The following IARS1 variants were observed in gnomAD, a reference collection of about 807,000 sequenced individuals.
IARS1 encodes isoleucyl-tRNA synthetase 1.
Under a neutral mutation model 168.2 loss-of-function variants are expected in IARS1, and 124 were observed. The ratio of observed to expected loss-of-function variants is 0.74; its 90% CI spans 0.64 to 0.86. The LOEUF is 0.86. IARS1 is among the 40% of genes least tolerant of loss of function. The probability of loss-of-function intolerance (pLI) is 0.00; values close to 1 mark genes in which losing one functional copy is unlikely to be tolerated. For synonymous variants in IARS1, 532 were observed against 529.4 expected (o/e 1.00, Z -0.07); for missense variants, 1,452 against 1,515.8 (o/e 0.96, Z 0.70).
chr9:92,262,963 A>C lies in IARS1; in HGVS notation c.1787+6T>G. 5.0e-6 allele frequency: 8 copies of C among 1,610,378 alleles called. No homozygotes were observed. The highest frequency in any genetic ancestry group is 6.8e-6 in the Non-Finnish European group (8 of 1,176,620). On this transcript the variant is annotated splice_donor_region_variant and intron_variant, in intron 17 of 33. Transcript: ENST00000443024. ...TCCACCCGTCACTACAACAAAGTTG[A>C]CCTACCTTGCCAGGACAAGCCCATT...
chr9:92,289,393 T>C lies in IARS1; in HGVS notation c.27A>G (p.Ile9Met), dbSNP rs1019065150. Reference protein sequence around the residue: MLQQVPENINFPAEEEKIL... With the variant: MLQQVPENMNFPAEEEKIL... ...TTTTCTCTTCTTCAGCAGGAAAATTTATGTTTTCTGGAACTTGTTGAAGCA... is the reference window on the plus strand; with the variant it reads ...TTTTCTCTTCTTCAGCAGGAAAATTCATGTTTTCTGGAACTTGTTGAAGCA... The change falls in exon 2 of 34, where the codon ATA becomes ATG. Residue 9 changes from isoleucine (I) to methionine (M), a missense_variant. Physicochemically the swap from Ile to Met is conservative, Grantham distance 10 (BLOSUM62 1). Coordinates refer to ENST00000443024, the MANE Select transcript of IARS1 (RefSeq NM_002161.6). 2 of 1,578,150 alleles carry C rather than the reference T, an allele frequency of 1.3e-6. No individual in the cohort carries two copies. Among genetic ancestry groups the C allele is most frequent in the African/African-American group, 2.7e-5 (2 of 74,174 alleles).
intron 16 of IARS1, 111 bp from the exon 17 acceptor site, chr9:92,263,166 G>C (rs921509989): frequency 1.5e-5 from 11 of 723,708 alleles, no homozygotes; most frequent in Non-Finnish European, 2.6e-5. Flanking sequence ...CACTTCTTGA[G>C]AATCACTTAA....
Position 92,210,654 on chromosome 9 carries a change from C to A in IARS1, c.*153G>T. On this transcript the variant is annotated 3_prime_UTR_variant, in exon 34 of 34. Transcript: ENST00000443024. Reference sequence around the variant, plus strand: ...TGAGGTCTCAAGTTACTTGACTAATCAATCCCATTTGAATTTCAATCCAAG... The same window carrying A: ...TGAGGTCTCAAGTTACTTGACTAATAAATCCCATTTGAATTTCAATCCAAG... 1 of 584,628 alleles carries A rather than the reference C, an allele frequency of 1.7e-6. No individual in the cohort carries two copies. The highest frequency in any genetic ancestry group is 2.3e-5 in the South Asian group (1 of 42,822). 36.2% of individuals were successfully genotyped at this position (584,628 alleles called of 1,614,324 possible).
rs1293896834 is a variant in IARS1, at chr9:92,239,579, T to C, written c.3283+1277A>G. Among the ~76,000 whole-genome samples, 9 of 152,052 alleles carry C rather than the reference T, an allele frequency of 5.9e-5. No homozygotes were observed. The East Asian group carries it at 1.7e-3, about 29-fold the overall frequency. On this transcript the variant is annotated intron_variant, in intron 30 of 33. Coordinates refer to ENST00000443024, the MANE Select transcript of IARS1 (RefSeq NM_002161.6). ...TACCTTAACTGACACTACAGAGGAGTTGCTCGTGGTGTGTGGCCTCACTGC... is the reference window on the plus strand; with the variant it reads ...TACCTTAACTGACACTACAGAGGAGCTGCTCGTGGTGTGTGGCCTCACTGC...
intron 21 of IARS1, among the ~76,000 whole-genome samples, chr9:92,252,206 A>G (rs1338168315): frequency 6.6e-6 from 1 of 152,228 alleles, no homozygotes; most frequent in Admixed American, 6.5e-5. Flanking sequence ...TCTACCCACA[A>G]CAGACAAAAA....
intron 31 of IARS1, among the ~76,000 whole-genome samples, chr9:92,227,356 T>A (rs183115974): frequency 8.0e-6 from 1 of 124,648 alleles, no homozygotes; most frequent in African/African-American, 3.1e-5. Flanking sequence ...CGGGCAGAGG[T>A]GCTCCTCACT....
chr9:92,288,162 G>C lies in IARS1; in HGVS notation c.240C>G (p.Asp80Glu). The C allele has an allele frequency of 6.2e-7, 1 of 1,613,962 alleles. No individual in the cohort carries two copies. Residue 80 changes from aspartate (D) to glutamate (E), a missense_variant, in exon 3 of 34, where the codon GAC (aspartate) becomes GAG (glutamate). Physicochemically the swap from Asp to Glu is conservative, Grantham distance 45. Transcript: ENST00000443024. ...CATGGCAATCCCATCCAAATCTTCTGTCAACATGAAACCCACTCTGGTGAG... is the reference window on the plus strand; with the variant it reads ...CATGGCAATCCCATCCAAATCTTCTCTCAACATGAAACCCACTCTGGTGAG... ...RYAHQSGFHV[D>E]RRFGWDCHGL... is the part of the protein sequence containing the mutation.
chr9:92,286,369 A>G (rs1835463415), intron 5 of IARS1, among the ~76,000 whole-genome samples, 167 bp downstream of exon 5: 1 of 152,230 alleles, frequency 6.6e-6, no homozygotes, highest in South Asian at 2.1e-4. Flanking sequence ...TCAGTCTCAA[A>G]AAAATAAAAA....
chr9:92,222,441 G>C (rs541974742), intron 33 of IARS1, 79 bp downstream of exon 33: 102 of 1,047,520 alleles, frequency 9.7e-5, no homozygotes, highest in Non-Finnish European at 1.3e-4. Context: ...TATCTTACAT[G>C]TATATGCTAC....
intron 31 of IARS1, among the ~76,000 whole-genome samples, chr9:92,228,519 C>G (rs1021007961): frequency 6.6e-6 from 1 of 152,110 alleles, no homozygotes; most frequent in Non-Finnish European, 1.5e-5. Context: ...CAAGACCAGA[C>G]TGGGCAATAT....
intron 21 of IARS1, chr9:92,252,378 C>A (rs746419240): frequency 3.9e-6 from 2 of 516,640 alleles, no homozygotes; most frequent in South Asian, 2.8e-5. Context: ...CTGTAAGCAT[C>A]TTAGCATATG....
At chr9:92,272,670 T>A (rs1378041697) in intron 10 of IARS1, among the ~76,000 whole-genome samples, 2 of 152,074 alleles carry the variant, frequency 1.3e-5, no homozygotes, top group African/African-American at 4.8e-5. Flanking sequence ...GCCAACATGG[T>A]GAAACCCTGT....
chr9:92,263,003 T>C lies in IARS1; in HGVS notation c.1753A>G (p.Lys585Glu), dbSNP rs763506147. ...ACAAGCCCATTCACAATTACGTTCT[T>C]GAAAGGCGGTTGTCCAAAGAGGGCC... Reference protein sequence around the residue: ...ATALFGQPPFKNVIVNGLVLA... With the variant: ...ATALFGQPPFENVIVNGLVLA... The change falls in exon 17 of 34, where the codon AAG (lysine) becomes GAG (glutamate). Residue 585 changes from lysine (K) to glutamate (E), a missense_variant. Physicochemically the swap from Lys to Glu is moderately conservative, Grantham distance 56. Transcript: ENST00000443024. 7 of 1,614,044 alleles carry C rather than the reference T, an allele frequency of 4.3e-6. No individual in the cohort carries two copies. The highest frequency in any genetic ancestry group is 1.1e-5 in the South Asian group (1 of 91,072).
intron 27 of IARS1, among the ~76,000 whole-genome samples, chr9:92,244,296 A>G (rs1390617711): frequency 6.6e-6 from 1 of 152,140 alleles, no homozygotes; most frequent in South Asian, 2.1e-4. Context: ...AGTTCTGTAC[A>G]CATCTAACTT....
At chr9:92,289,612 G>A (rs1222969488) in intron 1 of IARS1, among the ~76,000 whole-genome samples, 186 bp from the exon 2 acceptor site, 1 of 152,076 alleles carries the variant, frequency 6.6e-6, no homozygotes, top group Non-Finnish European at 1.5e-5. Context: ...ATATTTACAA[G>A]GTAGTATAAC....
At chr9:92,265,164 A>G (rs1056029665) in intron 15 of IARS1, 41 bp from the exon 16 acceptor site, 8 of 1,520,794 alleles carry the variant, frequency 5.3e-6, no homozygotes, top group African/African-American at 4.2e-5. Context: ...AACTGTAAGC[A>G]TAACAGAACT....
At chr9:92,288,006 T>C (rs1433384686) in intron 3 of IARS1, 96 bp from the exon 4 acceptor site, 5 of 1,544,776 alleles carry the variant, frequency 3.2e-6, no homozygotes, top group Middle Eastern at 1.7e-4. Context: ...CTACAAATAT[T>C]ATAGAAATGA....
intron 33 of IARS1, 107 bp from the exon 34 acceptor site, chr9:92,210,996 TAA>T (rs1837655500): frequency 4.2e-6 from 3 of 710,798 alleles, no homozygotes; most frequent in Non-Finnish European, 7.6e-6. Context: ...GGCCTTATCC[TAA>T]GAGTTCTGCC....
At chr9:92,222,727 A>C in intron 32 of IARS1, 55 bp from the exon 33 acceptor site, 2 of 1,593,318 alleles carry the variant, frequency 1.3e-6, no homozygotes, top group Non-Finnish European at 8.6e-7. Context: ...CTCTAGCTCC[A>C]AAAGAGGTGG....
Sources: allele counts gnomAD v4.1 joint callset (sites outside exome capture counted in the v4.1 genomes callset), GRCh38; gene constraint gnomAD v4.1.1; transcripts MANE v1.5; gene names NCBI Gene and HGNC (gene_info 2026-07-23, HGNC 2026-07-21).